Variants in VIPR2 observed in about 807,000 individuals in gnomAD.
The protein encoded by VIPR2 is vasoactive intestinal peptide receptor 2.
A neutral mutation model predicts 58.0 loss-of-function variants in VIPR2; 48 were observed. The observed-to-expected ratio is 0.83, with a 90% CI of 0.66 to 1.05. The LOEUF (loss-of-function observed/expected upper bound fraction) is 1.05. Among genes scored for constraint, VIPR2 ranks in the 50% least tolerant of loss-of-function variants. The pLI is 0.00. For missense variants in VIPR2, 534 were observed against 558.0 expected (o/e 0.96, Z 0.43); for synonymous variants, 243 against 235.2 (o/e 1.03, Z -0.30).
intron 2 of VIPR2, among the ~76,000 whole-genome samples, chr7:159,132,862 T>G (rs1235647): frequency 0.036 from 1,698 of 46,848 alleles, 22 homozygotes; most frequent in Middle Eastern, 0.065. Flanking sequence ...CGATTGATTT[T>G]AGACAGAATG....
At chr7:159,064,964 G>A (rs1297017675) in intron 4 of VIPR2, among the ~76,000 whole-genome samples, 1 of 152,188 alleles carries the variant, frequency 6.6e-6, no homozygotes, top group Non-Finnish European at 1.5e-5. Context: ...CCTCTACCGA[G>A]AACCTGCCCA....
intron 2 of VIPR2, among the ~76,000 whole-genome samples, chr7:159,134,716 G>GGC (rs1473775343): frequency 6.6e-6 from 1 of 151,526 alleles, no homozygotes; most frequent in Non-Finnish European, 1.5e-5. Context: ...GGAGTACAGT[G>GGC]GGGCCATCTC....
chr7:159,063,463 G>T (rs1004195888), intron 4 of VIPR2, among the ~76,000 whole-genome samples: 1 of 151,974 alleles, frequency 6.6e-6, no homozygotes, highest in African/African-American at 2.4e-5. Flanking sequence ...ACGAACTTGC[G>T]CTGGCCCGCA....
chr7:159,095,324 CTG>C lies in VIPR2; in HGVS notation c.357+8431_357+8432del, dbSNP rs1431062322. ...GGTGAAAAGGCGTGTGTGCAAGTGA[CTG>C]TGTGCTGCACACACCCAGTGTGAGG... On this transcript the variant is annotated intron_variant, in intron 4 of 12. Transcript: ENST00000262178. This position sits in a 1 kb window ranked among gnomAD's most constrained non-coding sequence, Gnocchi z 5.2. Among the ~76,000 whole-genome samples, 3 of 152,214 alleles carry C rather than the reference CTG, an allele frequency of 2.0e-5. No homozygotes were observed. The highest frequency in any genetic ancestry group is 2.9e-5 in the Non-Finnish European group (2 of 68,044).
chr7:159,094,593 C>T (rs966457354), intron 4 of VIPR2, among the ~76,000 whole-genome samples: 5 of 152,184 alleles, frequency 3.3e-5, no homozygotes, highest in African/African-American at 4.8e-5. Context: ...AGTGAGCCTG[C>T]GGTGATAATT....
intron 4 of VIPR2, among the ~76,000 whole-genome samples, chr7:159,069,309 G>T (rs73730140): frequency 6.6e-6 from 1 of 152,108 alleles, no homozygotes; most frequent in African/African-American, 2.4e-5. Context: ...TGCTGGCTGG[G>T]GACCCTGCCA....
rs552272661 is a variant in VIPR2, at chr7:159,144,708, C to T, written c.51+13G>A. 8.3e-6 allele frequency: 11 copies of T among 1,325,770 alleles called. No individual in the cohort carries two copies. In the East Asian group the frequency reaches 3.4e-4, roughly 41 times the overall value. The allele number at this position is 1,325,770 out of a possible 1,614,324, so 82.1% of individuals were successfully genotyped here. On this transcript the variant is annotated intron_variant, in intron 1 of 12. Coordinates refer to ENST00000262178, the MANE Select transcript of VIPR2 (RefSeq NM_003382.5). ...CCGAGGCGCCGTGGGGCGGGGGTCGCGGGCGCACTCACGGGGGCGAGCAGC... is the reference window on the plus strand; with the variant it reads ...CCGAGGCGCCGTGGGGCGGGGGTCGTGGGCGCACTCACGGGGGCGAGCAGC...
chr7:159,085,101 T>G (rs1857103029), intron 4 of VIPR2, among the ~76,000 whole-genome samples: 1 of 152,224 alleles, frequency 6.6e-6, no homozygotes, highest in South Asian at 2.1e-4. Flanking sequence ...GGATCTATCC[T>G]GTGGCAAATA....
chr7:159,107,585 C>G (rs1454305408), intron 3 of VIPR2, among the ~76,000 whole-genome samples: 1 of 152,186 alleles, frequency 6.6e-6, no homozygotes, highest in Non-Finnish European at 1.5e-5. Context: ...CATCCCGGGT[C>G]CCACTGCTGC....
At chr7:159,129,144 G>A (rs1226551055) in intron 2 of VIPR2, among the ~76,000 whole-genome samples, 3 of 97,022 alleles carry the variant, frequency 3.1e-5, no homozygotes, top group Admixed American at 9.6e-5. Context: ...GCCTCTGGGG[G>A]GGACAGGGCT....
At chr7:159,056,750 T>C (rs1855348660) in intron 5 of VIPR2, among the ~76,000 whole-genome samples, 1 of 152,208 alleles carries the variant, frequency 6.6e-6, no homozygotes, top group African/African-American at 2.4e-5. Flanking sequence ...TGGGTATAAT[T>C]ACTGAGACAA....
At chr7:159,034,797 T>A in intron 8 of VIPR2, 147 bp from the exon 9 acceptor site, 1 of 682,006 alleles carries the variant, frequency 1.5e-6, no homozygotes, top group African/African-American at 1.8e-5. Context: ...TAAAGGAATC[T>A]GTCCCAGGGA....
chr7:159,117,387 G>C, intron 2 of VIPR2: 1 of 717,496 alleles, frequency 1.4e-6, no homozygotes, highest in Admixed American at 2.0e-5. Flanking sequence ...CGTGAATGAG[G>C]ATGAATCCCT....
At chr7:159,144,382 C>G in intron 1 of VIPR2, 1 of 1,544,110 alleles carries the variant, frequency 6.5e-7, no homozygotes, top group Non-Finnish European at 8.7e-7. Context: ...CGCGCAGGCG[C>G]CCGCAGCTCC....
rs1230364390 is a variant in VIPR2 at position 159,099,706 on chromosome 7, C to T, written c.357+4051G>A. On this transcript the variant is annotated intron_variant, in intron 4 of 12. Transcript: ENST00000262178. This position sits in a 1 kb window ranked among gnomAD's most constrained non-coding sequence, Gnocchi z 4.2. ...GGCACAGTTGCCGGCTAGGTGCAGA[C>T]GAAGATGAAGACTCAGAGGTGGTGC... Among the ~76,000 whole-genome samples, 5 of 152,200 alleles carry T rather than the reference C, an allele frequency of 3.3e-5. No homozygotes were observed. Among genetic ancestry groups the T allele is most frequent in the African/African-American group, 9.6e-5 (4 of 41,518 alleles).
chr7:159,035,665 G>A (rs1180154940), intron 8 of VIPR2: 13 of 982,046 alleles, frequency 1.3e-5, no homozygotes, highest in South Asian at 9.4e-5. Context: ...TGTGGACATC[G>A]CTGTGCCCAC....
chr7:159,105,770 C>A (rs1858608294), intron 3 of VIPR2, among the ~76,000 whole-genome samples: 1 of 152,224 alleles, frequency 6.6e-6, no homozygotes, highest in Non-Finnish European at 1.5e-5. Context: ...CTCCTAGAGA[C>A]CTGGTCCCAC....
At chr7:159,077,245 C>T (rs991649992) in intron 4 of VIPR2, among the ~76,000 whole-genome samples, 3 of 152,072 alleles carry the variant, frequency 2.0e-5, no homozygotes, top group African/African-American at 7.3e-5. Flanking sequence ...TACAGTGTAC[C>T]TGTTATCAGA....
chr7:159,110,011 C>T lies in VIPR2; in HGVS notation c.152-92G>A, dbSNP rs536686540. The T allele has an allele frequency of 5.0e-5, 61 of 1,211,506 alleles. No individual in the cohort carries two copies. In the East Asian group the frequency reaches 1.4e-3, roughly 28 times the overall value. 75.0% of individuals were successfully genotyped at this position (1,211,506 alleles called of 1,614,324 possible). A position where few individuals can be genotyped will look rare whatever the true frequency, so the allele number is the denominator to read the frequency against. Reference sequence around the variant, plus strand: ...TAATGAGATAACTGCCTCGCAAACTCCTTTCCTGTGAAACACACTTGCACC... The same window carrying T: ...TAATGAGATAACTGCCTCGCAAACTTCTTTCCTGTGAAACACACTTGCACC... On this transcript the variant is annotated intron_variant, in intron 2 of 12. Transcript: ENST00000262178.
Sources: allele counts gnomAD v4.1 joint callset (sites outside exome capture counted in the v4.1 genomes callset), GRCh38; gene constraint gnomAD v4.1.1; non-coding constraint Gnocchi (gnomAD v3.1); transcripts MANE v1.5; gene names NCBI Gene and HGNC (gene_info 2026-07-23, HGNC 2026-07-21).